Variants in RAPGEF4 observed in about 807,000 individuals in gnomAD.
RAPGEF4 encodes RAP guanine-nucleotide-exchange factor (GEF) 4.
A neutral mutation model predicts 147.9 loss-of-function variants in RAPGEF4; 66 were observed. That is an observed-to-expected ratio of 0.45 (90% CI 0.37 to 0.55). The LOEUF (loss-of-function observed/expected upper bound fraction) is 0.55, where lower values mean the gene tolerates loss of function less well. Among genes scored for constraint, RAPGEF4 ranks in the 20% least tolerant of loss-of-function variants. The pLI is 0.00. For missense variants in RAPGEF4, 1,071 were observed against 1,257.3 expected (o/e 0.85, Z 2.24); for synonymous variants, 419 against 442.7 (o/e 0.95, Z 0.67).
At chr2:172,861,800 G>T (rs767912315) in intron 4 of RAPGEF4, among the ~76,000 whole-genome samples, 5 of 152,214 alleles carry the variant, frequency 3.3e-5, no homozygotes, top group Non-Finnish European at 5.9e-5. Context: ...GTGCTGAATA[G>T]TTGAGTTTTG....
chr2:172,943,697 C>T (rs530108827), intron 6 of RAPGEF4, among the ~76,000 whole-genome samples: 4 of 152,228 alleles, frequency 2.6e-5, no homozygotes, highest in Non-Finnish European at 5.9e-5. Context: ...ACTCCTACCC[C>T]ACAACCCAAA....
intron 1 of RAPGEF4, among the ~76,000 whole-genome samples, chr2:172,786,188 CA>C (rs1442444043): frequency 1.3e-5 from 2 of 152,114 alleles, no homozygotes; most frequent in African/African-American, 4.8e-5. Flanking sequence ...AGGTGGACAG[CA>C]CCTGGAATCC....
intron 17 of RAPGEF4, among the ~76,000 whole-genome samples, chr2:173,012,258 G>A (rs1468991127): frequency 6.6e-6 from 1 of 152,160 alleles, no homozygotes; most frequent in African/African-American, 2.4e-5. Context: ...GTGGCATCAG[G>A]ATATTTGGGA....
At chr2:173,002,177 T>A (rs1444204492) in intron 17 of RAPGEF4, among the ~76,000 whole-genome samples, 1 of 152,168 alleles carries the variant, frequency 6.6e-6, no homozygotes, top group Admixed American at 6.5e-5. Flanking sequence ...GCTAAGCTGC[T>A]GAGATAAATA....
At chr2:172,977,651 T>C (rs1476737517) in intron 10 of RAPGEF4, among the ~76,000 whole-genome samples, 1 of 152,128 alleles carries the variant, frequency 6.6e-6, no homozygotes, top group African/African-American at 2.4e-5. Flanking sequence ...AGACTGACTT[T>C]TGCTCCACCT....
chr2:172,823,941 C>T (rs1427197438), intron 4 of RAPGEF4, among the ~76,000 whole-genome samples: 2 of 152,272 alleles, frequency 1.3e-5, no homozygotes, highest in East Asian at 1.9e-4. Context: ...ATAGAGATAC[C>T]TTTACTTAAA....
chr2:172,836,428 A>G (rs1690936606), intron 4 of RAPGEF4, among the ~76,000 whole-genome samples: 1 of 152,186 alleles, frequency 6.6e-6, no homozygotes, highest in African/African-American at 2.4e-5. Context: ...CTCAGTTGTG[A>G]TATCCTAGAG....
chr2:173,000,418 G>A lies in RAPGEF4; in HGVS notation c.1580-848G>A, dbSNP rs185153249. On this transcript the variant is annotated intron_variant, in intron 16 of 30. Transcript: ENST00000397081. ...CAGACAGTGTATTTCATGTTTTCCC[G>A]GGAAATGTCATGGCATCTTGGGTTC... is the stretch of plus-strand genomic sequence containing the variant. Among the ~76,000 whole-genome samples, 140 of 152,234 alleles carry A rather than the reference G, an allele frequency of 9.2e-4. 1 individual carries two copies. The South Asian group carries it at 0.028, about 30-fold the overall frequency.
chr2:172,786,365 C>T (rs982928447), intron 1 of RAPGEF4, among the ~76,000 whole-genome samples: 3 of 152,112 alleles, frequency 2.0e-5, no homozygotes, highest in Non-Finnish European at 2.9e-5. Flanking sequence ...AGATTGTGAG[C>T]TCCTCGTGGA....
At chr2:172,823,704 C>T (rs1008656476) in intron 4 of RAPGEF4, among the ~76,000 whole-genome samples, 2 of 152,170 alleles carry the variant, frequency 1.3e-5, no homozygotes, top group Admixed American at 1.3e-4. Context: ...AATCCTGTCA[C>T]TAAGTTCGCT....
At chr2:173,014,654 C>T (rs774958690) in intron 18 of RAPGEF4, 40 bp downstream of exon 18, 1 of 1,591,976 alleles carries the variant, frequency 6.3e-7, no homozygotes, top group Non-Finnish European at 8.6e-7. Flanking sequence ...TACTGTTGTC[C>T]TGCAATACAG....
intron 4 of RAPGEF4, among the ~76,000 whole-genome samples, chr2:172,830,149 G>A (rs1690133487): frequency 6.6e-6 from 1 of 152,132 alleles, no homozygotes; most frequent in Admixed American, 6.5e-5. Flanking sequence ...TTATGTGGGA[G>A]AACATTTATT....
intron 1 of RAPGEF4, among the ~76,000 whole-genome samples, chr2:172,752,640 G>T (rs1444733300): frequency 6.6e-6 from 1 of 152,116 alleles, no homozygotes; most frequent in Admixed American, 6.6e-5. Context: ...TAGATTAGGT[G>T]TCCTTGTTTA....
chr2:173,017,166 T>A lies in RAPGEF4; in HGVS notation c.1899-8T>A, dbSNP rs1260608355. 6.2e-7 allele frequency: 1 copy of A among 1,612,796 alleles called. No individual in the cohort carries two copies. The stretch of plus-strand genomic sequence containing the variant: ...TATTAAATAATGTGCTTTCTCTACT[T>A]CTCGTAGCTCAGAAGATGCAAAGGC... On this transcript the variant is annotated splice_region_variant and splice_polypyrimidine_tract_variant and intron_variant, in intron 19 of 30. Coordinates refer to ENST00000397081, the MANE Select transcript of RAPGEF4 (RefSeq NM_007023.4).
intron 29 of RAPGEF4, chr2:173,048,122 G>A (rs993150225): frequency 2.6e-5 from 4 of 156,738 alleles, no homozygotes; most frequent in African/African-American, 7.2e-5. Context: ...AATACAGAGT[G>A]TGTAGCAAAA....
chr2:172,853,971 A>G (rs776056936), intron 4 of RAPGEF4, among the ~76,000 whole-genome samples: 1 of 152,052 alleles, frequency 6.6e-6, no homozygotes, highest in Non-Finnish European at 1.5e-5. Flanking sequence ...GTACCTTTTA[A>G]TAACTTATAT....
At chr2:172,785,159 G>C (rs1027649551) in intron 1 of RAPGEF4, among the ~76,000 whole-genome samples, 1 of 152,174 alleles carries the variant, frequency 6.6e-6, no homozygotes, top group Admixed American at 6.5e-5. Flanking sequence ...TTATCTAACA[G>C]GGCTGCAATG....
At chr2:172,818,235 A>G (rs974367076) in intron 4 of RAPGEF4, among the ~76,000 whole-genome samples, 4 of 152,116 alleles carry the variant, frequency 2.6e-5, no homozygotes, top group African/African-American at 7.2e-5. Context: ...GGTACAGAGT[A>G]CACTACTCAG....
chr2:172,957,925 A>G (rs545532080), intron 6 of RAPGEF4, among the ~76,000 whole-genome samples: 5 of 152,388 alleles, frequency 3.3e-5, no homozygotes, highest in African/African-American at 1.2e-4. Flanking sequence ...CCAAGGAACC[A>G]GAAAGGGAGC....
Sources: gnomAD v4.1 joint callset for allele counts (sites outside exome capture counted in the v4.1 genomes callset) on GRCh38, gnomAD v4.1.1 for gene constraint, MANE v1.5 for transcripts, NCBI Gene and HGNC (gene_info 2026-07-23, HGNC 2026-07-21) for gene names.